The following JARID2 variants were observed in gnomAD, a reference collection of about 807,000 sequenced individuals.
JARID2 encodes jumonji and AT-rich interaction domain containing 2.
JARID2 carries 21 observed loss-of-function variants against 125.6 expected under a neutral mutation model. The ratio of observed to expected loss-of-function variants is 0.17; its 90% confidence interval spans 0.12 to 0.24. The LOEUF (loss-of-function observed/expected upper bound fraction) is 0.24, where lower values mean the gene tolerates loss of function less well. Among genes scored for constraint, JARID2 ranks in the 10% least tolerant of loss-of-function variants. The pLI, the probability that JARID2 is intolerant of heterozygous loss-of-function variation, is 1.00. For missense variants in JARID2, 1,303 were observed against 1,639.6 expected (o/e 0.79, Z 3.55); for synonymous variants, 736 against 661.6 (o/e 1.11, Z -1.73).
intron 3 of JARID2, among the ~76,000 whole-genome samples, chr6:15,421,398 T>C (rs1169802951): frequency 6.6e-6 from 1 of 151,386 alleles, no homozygotes; most frequent in African/African-American, 2.4e-5. Context: ...TTTCATTTAG[T>C]TTTGTTAGTC....
At chr6:15,469,699 T>A (rs1768978361) in intron 5 of JARID2, among the ~76,000 whole-genome samples, 1 of 151,820 alleles carries the variant, frequency 6.6e-6, no homozygotes, top group Non-Finnish European at 1.5e-5. Flanking sequence ...GAGGACTTCT[T>A]AAAGGGAAAT....
At chr6:15,349,580 C>G (rs1335449991) in intron 1 of JARID2, among the ~76,000 whole-genome samples, 2 of 152,118 alleles carry the variant, frequency 1.3e-5, no homozygotes, top group African/African-American at 2.4e-5. Flanking sequence ...GGCCAAAGAT[C>G]ACTGATGGCT....
intron 3 of JARID2, among the ~76,000 whole-genome samples, chr6:15,415,650 C>A (rs1398980532): frequency 6.8e-6 from 1 of 146,208 alleles, no homozygotes; most frequent in Non-Finnish European, 1.5e-5. Context: ...GGGGCTGACC[C>A]CCCCCACCTC....
At chr6:15,440,312 C>G (rs777647264) in intron 3 of JARID2, among the ~76,000 whole-genome samples, 1 of 152,182 alleles carries the variant, frequency 6.6e-6, no homozygotes, top group Non-Finnish European at 1.5e-5. Context: ...GGAGGACTTT[C>G]ATGTTGTACT....
intron 4 of JARID2, among the ~76,000 whole-genome samples, chr6:15,462,042 T>C (rs538840881): frequency 2.0e-5 from 3 of 152,364 alleles, no homozygotes; most frequent in African/African-American, 7.2e-5. Context: ...CAAATCCCTC[T>C]TCATACCAGA....
chr6:15,430,423 A>G (rs1195601352), intron 3 of JARID2, among the ~76,000 whole-genome samples: 1 of 152,232 alleles, frequency 6.6e-6, no homozygotes, highest in Non-Finnish European at 1.5e-5. Flanking sequence ...ACCATGCTTG[A>G]TACTGAGTTA....
chr6:15,451,219 G>A (rs1445427590), intron 3 of JARID2, among the ~76,000 whole-genome samples: 4 of 152,180 alleles, frequency 2.6e-5, no homozygotes, highest in Non-Finnish European at 5.9e-5. Flanking sequence ...GAATTTCTAC[G>A]TAAGATATTC....
chr6:15,483,692 G>T (rs958722423), intron 5 of JARID2, among the ~76,000 whole-genome samples: 1 of 152,052 alleles, frequency 6.6e-6, no homozygotes, highest in East Asian at 1.9e-4. Flanking sequence ...TTAACGATTA[G>T]TAATAATTCT....
At chr6:15,450,629 A>C (rs572410591) in intron 3 of JARID2, among the ~76,000 whole-genome samples, 2 of 152,258 alleles carry the variant, frequency 1.3e-5, no homozygotes, top group South Asian at 4.1e-4. Context: ...ATGTTTTTCA[A>C]ATACCTCTCT....
intron 1 of JARID2, among the ~76,000 whole-genome samples, chr6:15,336,893 G>A (rs1419752770): frequency 6.6e-6 from 1 of 152,050 alleles, no homozygotes; most frequent in African/African-American, 2.4e-5. Context: ...TGGAGACTTA[G>A]TGATCTGGTT....
At chr6:15,332,745 C>A (rs555508407) in intron 1 of JARID2, among the ~76,000 whole-genome samples, 1 of 151,582 alleles carries the variant, frequency 6.6e-6, no homozygotes, top group Non-Finnish European at 1.5e-5. Flanking sequence ...GGAAAGAGAA[C>A]AATTTTTTTG....
rs372595496 is a variant in JARID2, at chr6:15,304,235, C to A, written c.45+57651C>A. On this transcript the variant is annotated intron_variant, in intron 1 of 17. Coordinates refer to ENST00000341776, the MANE Select transcript of JARID2 (RefSeq NM_004973.4). Reference sequence around the variant, plus strand: ...CATCTCGCTGCGCAGCCTCAGTTGTCCCAGCCTCCTTTTGCTCCTTTTCCT... The same window carrying A: ...CATCTCGCTGCGCAGCCTCAGTTGTACCAGCCTCCTTTTGCTCCTTTTCCT... 6.7e-3 allele frequency among the ~76,000 whole-genome samples: 1,014 copies of A among 150,926 alleles called. 15 individuals are homozygous for A. Among genetic ancestry groups the A allele is most frequent in the African/African-American group, 0.023 (931 of 41,038 alleles).
At chr6:15,493,962 C>T (rs954151754) in intron 6 of JARID2, among the ~76,000 whole-genome samples, 2 of 151,968 alleles carry the variant, frequency 1.3e-5, no homozygotes, top group African/African-American at 2.4e-5. Context: ...TATTCCAGAC[C>T]GTCTGTCAGT....
intron 2 of JARID2, among the ~76,000 whole-genome samples, chr6:15,387,089 T>A (rs997243009): frequency 6.6e-6 from 1 of 152,186 alleles, no homozygotes; most frequent in African/African-American, 2.4e-5. Flanking sequence ...ATTCTGGAGC[T>A]AGGGTCCCAG....
At chr6:15,341,760 G>C (rs1581433007) in intron 1 of JARID2, among the ~76,000 whole-genome samples, 1 of 152,194 alleles carries the variant, frequency 6.6e-6, no homozygotes, top group Non-Finnish European at 1.5e-5. Context: ...TTAAGGGCAA[G>C]ATGACATAGT....
intron 4 of JARID2, among the ~76,000 whole-genome samples, chr6:15,464,696 C>CT (rs1221403466): frequency 2.0e-5 from 3 of 152,226 alleles, no homozygotes; most frequent in African/African-American, 7.2e-5. Flanking sequence ...CTTTCCTACA[C>CT]TTTCCCTTTT....
At chr6:15,423,947 G>A (rs528947364) in intron 3 of JARID2, among the ~76,000 whole-genome samples, 5 of 151,996 alleles carry the variant, frequency 3.3e-5, no homozygotes, top group Admixed American at 2.6e-4. Context: ...CTCCTCTCCC[G>A]GAGGGTCTTT....
At chr6:15,259,552 T>A (rs1052064173) in intron 1 of JARID2, among the ~76,000 whole-genome samples, 2 of 152,238 alleles carry the variant, frequency 1.3e-5, no homozygotes, top group African/African-American at 2.4e-5. Context: ...CAAATGCCAC[T>A]GGCTTTGAGA....
rs578018367 is a variant in JARID2 at position 15,306,356 on chromosome 6, C to T, written c.45+59772C>T. On this transcript the variant is annotated intron_variant, in intron 1 of 17. Coordinates refer to ENST00000341776, the MANE Select transcript of JARID2 (RefSeq NM_004973.4). The stretch of plus-strand genomic sequence containing the variant: ...TTTTTTTTTTTTTTTTTTTTTGAGA[C>T]GGAGTTTTGCTCTTGTTGCCCAGGG... 5.8e-4 allele frequency among the ~76,000 whole-genome samples: 59 copies of T among 102,238 alleles called. No homozygotes were observed. In the South Asian group the frequency reaches 6.9e-3, roughly 12 times the overall value. The allele number at this position is 102,238 out of a possible 152,430, so 67.1% of individuals were successfully genotyped here.
Sources: allele counts gnomAD v4.1 joint callset (sites outside exome capture counted in the v4.1 genomes callset), GRCh38; gene constraint gnomAD v4.1.1; transcripts MANE v1.5; gene names NCBI Gene and HGNC (gene_info 2026-07-23, HGNC 2026-07-21).